Variants in INTS1 observed in about 807,000 individuals in gnomAD.
INTS1 encodes the protein integrator complex subunit 1.
A neutral mutation model predicts 241.6 loss-of-function variants in INTS1; 137 were observed. The ratio of observed to expected loss-of-function variants is 0.57; its 90% CI spans 0.49 to 0.65. The LOEUF (loss-of-function observed/expected upper bound fraction) is 0.65. INTS1 is among the 30% of genes least tolerant of loss of function. The pLI, the probability that INTS1 is intolerant of heterozygous loss-of-function variation, is 0.00. For missense variants in INTS1, 3,073 were observed against 3,032.2 expected (o/e 1.01, Z -0.32); for synonymous variants, 1,692 against 1,337.8 (o/e 1.26, Z -5.78).
chr7:1,499,221 G>A lies in INTS1; in HGVS notation c.950+34C>T, dbSNP rs539194356. The A allele has an allele frequency of 3.0e-5, 48 of 1,605,200 alleles. 2 individuals are homozygous for A. In the South Asian group the frequency reaches 3.4e-4, roughly 11 times the overall value. On this transcript the variant is annotated intron_variant, in intron 7 of 47. Coordinates refer to ENST00000404767, the MANE Select transcript of INTS1 (RefSeq NM_001080453.3). ...TGGCCCCGAGGCGCCCGCCCCCGCC[G>A]CCCCCAACTGGGACCGGGCAGGCAC...
At position 1,476,938 on chromosome 7, in the gene INTS1, C is replaced by G; in HGVS notation, c.4939-20G>C. Reference sequence around the variant, plus strand: ...TTTGCCCTGGGGAGGGAGGAAGAAGCCCGGATGGCCTCACCTGGGCCAATG... The same window carrying G: ...TTTGCCCTGGGGAGGGAGGAAGAAGGCCGGATGGCCTCACCTGGGCCAATG... On this transcript the variant is annotated intron_variant, in intron 35 of 47. Coordinates refer to ENST00000404767, the MANE Select transcript of INTS1 (RefSeq NM_001080453.3). The G allele has an allele frequency of 6.2e-7, 1 of 1,602,076 alleles. No individual in the cohort carries two copies. The highest frequency in any genetic ancestry group is 8.5e-7 in the Non-Finnish European group (1 of 1,176,782).
chr7:1,495,617 CT>C, intron 12 of INTS1, 64 bp from the exon 13 acceptor site: 1 of 1,554,504 alleles, frequency 6.4e-7, no homozygotes, highest in Non-Finnish European at 8.7e-7. Context: ...TAAGGCACCC[CT>C]GGGGGTCCAA....
intron 26 of INTS1, chr7:1,482,998 T>C (rs903918255): frequency 2.3e-5 from 9 of 397,832 alleles, no homozygotes; most frequent in Non-Finnish European, 4.1e-5. Context: ...GGGGCTTTGC[T>C]TGGCTGGACC....
Position 1,470,931 on chromosome 7 carries a change from C to T in INTS1, c.6372G>A (p.Thr2124=), listed in dbSNP as rs753542479. ...CCTGGCTGCCCAGGCAGTACATGAA[C>T]GTGGGCAGGAAAGCGGCTGCAATGC... is the stretch of plus-strand genomic sequence containing the variant. ...SPSIAAAFLP[T]FMYCLGSQDF... is the part of the protein sequence containing the mutation. Residue 2124 remains threonine, a synonymous_variant, in exon 47 of 48, where the codon ACG becomes ACA. Coordinates refer to ENST00000404767, the MANE Select transcript of INTS1 (RefSeq NM_001080453.3). The T allele has an allele frequency of 1.9e-5, 30 of 1,576,930 alleles. No individual in the cohort carries two copies. The highest frequency in any genetic ancestry group is 2.4e-5 in the Non-Finnish European group (28 of 1,162,418).
At chr7:1,487,293 T>C in intron 20 of INTS1, 27 bp downstream of exon 20, 1 of 1,568,554 alleles carries the variant, frequency 6.4e-7, no homozygotes, top group Non-Finnish European at 8.6e-7. Flanking sequence ...GACCACCATC[T>C]CTACCTCCTG....
In INTS1 at chr7:1,476,568, G is replaced by C; in HGVS notation, c.5151+2C>G. 1 of 1,437,400 alleles carries C rather than the reference G, an allele frequency of 7.0e-7. No individual in the cohort carries two copies. Among genetic ancestry groups the C allele is most frequent in the Non-Finnish European group, 9.2e-7 (1 of 1,084,820 alleles). 89.0% of individuals were successfully genotyped at this position (1,437,400 alleles called of 1,614,324 possible). A position where few individuals can be genotyped will look rare whatever the true frequency, so the allele number is the denominator to read the frequency against. ...CGGATGGGCCACCCTCCCAAGACCT[G>C]CCTGCGGGGTGCGCTGGTCCCGCCC... On this transcript the variant is annotated splice_donor_variant, in intron 37 of 47. Coordinates refer to ENST00000404767, the MANE Select transcript of INTS1 (RefSeq NM_001080453.3). LOFTEE classifies it high-confidence loss of function.
rs1242408353 is a variant in INTS1 at position 1,493,260 on chromosome 7, T to G, written c.2069-154A>C. 6.6e-6 allele frequency among the ~76,000 whole-genome samples: 1 copy of G among 151,002 alleles called. No individual in the cohort carries two copies. Among genetic ancestry groups the G allele is most frequent in the African/African-American group, 2.4e-5 (1 of 40,998 alleles). The stretch of plus-strand genomic sequence containing the variant: ...CTGAGCAGGAGAGCTGGGGGAAGCT[T>G]GGCTTCTCACTGGGAAACAGGGCAC... On this transcript the variant is annotated intron_variant, in intron 15 of 47. Transcript: ENST00000404767. This position sits in a 1 kb window ranked among gnomAD's most constrained non-coding sequence, Gnocchi z 5.3.
rs1471778245 is a variant in INTS1, at chr7:1,497,222, G to C, written c.1518C>G (p.Thr506=). 3 of 1,613,200 alleles carry C rather than the reference G, an allele frequency of 1.9e-6. No homozygotes were observed. Among genetic ancestry groups the C allele is most frequent in the Non-Finnish European group, 2.5e-6 (3 of 1,179,772 alleles). Residue 506 remains threonine (T), a synonymous_variant, in exon 11 of 48, where the codon ACC becomes ACG. Coordinates refer to ENST00000404767, the MANE Select transcript of INTS1 (RefSeq NM_001080453.3). This position sits in a 1 kb window ranked among gnomAD's most constrained non-coding sequence, Gnocchi z 5.3. ...RALLREIIKQ[T]KHEINFQAFC... The stretch of plus-strand genomic sequence containing the variant: ...AGGCCTGGAAGTTGATCTCGTGCTT[G>C]GTCTGCTTGATGATCTCCCGCAGCA...
intron 16 of INTS1, among the ~76,000 whole-genome samples, 165 bp downstream of exon 16, chr7:1,492,844 TG>T (rs1782633986): frequency 1.0e-5 from 1 of 96,344 alleles, no homozygotes; most frequent in African/African-American, 3.9e-5. Context: ...CGGGCGGGAG[TG>T]GGGAGTGGGG....
rs778652940 is a variant in INTS1 at position 1,499,935 on chromosome 7, G to A, written c.633C>T (p.Leu211=). 1.2e-5 allele frequency: 19 copies of A among 1,613,758 alleles called. No individual in the cohort carries two copies. In the South Asian group the frequency reaches 2.0e-4, roughly 17 times the overall value. The change falls in exon 5 of 48, where the codon CTC becomes CTT. Residue 211 remains leucine, a synonymous_variant. Transcript: ENST00000404767. The part of the protein sequence containing the change: ...NSLVSVLACN[L]LMAAYEEDEN... ...CGTCCTCCTCGTAGGCGGCCATGAG[G>A]AGGTTACAGGCCAGCACAGACACCA...
Position 1,479,580 on chromosome 7 carries a change from C to A in INTS1, c.4179G>T (p.Gln1393His). The change falls in exon 31 of 48, where the codon CAG becomes CAT. Residue 1393 changes from glutamine to histidine, a missense_variant. Physicochemically the swap from Gln to His is conservative, Grantham distance 24. Transcript: ENST00000404767. The stretch of plus-strand genomic sequence containing the variant: ...TGATGCCCGGCACCTCGGGGCTGCC[C>A]TGGACGACGCGGGCCAGCTCCTGGC... ...ALGQELARVV[Q>H]GSPEVPGITV... 1.3e-6 allele frequency: 2 copies of A among 1,543,818 alleles called. No homozygotes were observed. Among genetic ancestry groups the A allele is most frequent in the African/African-American group, 1.4e-5 (1 of 73,086 alleles).
intron 16 of INTS1, among the ~76,000 whole-genome samples, chr7:1,492,147 C>G (rs897740913): frequency 6.6e-6 from 1 of 152,120 alleles, no homozygotes; most frequent in African/African-American, 2.4e-5. Context: ...TCAAGAGAAC[C>G]GAAGACACGG....
chr7:1,500,673 T>C (rs893390784), intron 3 of INTS1, among the ~76,000 whole-genome samples: 2 of 152,196 alleles, frequency 1.3e-5, no homozygotes, highest in African/African-American at 4.8e-5. Context: ...ACCTGCAGCT[T>C]TACTTTCCAC....
intron 26 of INTS1, chr7:1,482,974 C>T (rs976370663): frequency 1.5e-5 from 7 of 456,116 alleles, no homozygotes; most frequent in African/African-American, 2.0e-5. Flanking sequence ...TGTCCCCATC[C>T]AGCCCCTGCC....
intron 22 of INTS1, 129 bp downstream of exon 22, chr7:1,486,496 C>T (rs1782272180): frequency 9.7e-7 from 1 of 1,026,478 alleles, no homozygotes; most frequent in Non-Finnish European, 1.4e-6. Flanking sequence ...AACTCCTGAC[C>T]TCAGGTAATC....
chr7:1,486,954 C>T lies in INTS1; in HGVS notation c.2794G>A (p.Glu932Lys), dbSNP rs764178896. ...TTCTTGGCCTTCTGCTCCTTGCTCT[C>T]GCCCTCGTCGTCCTCCTCCCCGGAA... Reference protein sequence around the residue: ...AASGEEDDEGESKEQKAKKRQ... With the variant: ...AASGEEDDEGKSKEQKAKKRQ... The change falls in exon 21 of 48, where the codon GAG becomes AAG. Residue 932 changes from glutamate (E) to lysine (K), a missense_variant. Coordinates refer to ENST00000404767, the MANE Select transcript of INTS1 (RefSeq NM_001080453.3). 5.0e-6 allele frequency: 8 copies of T among 1,607,242 alleles called. No individual in the cohort carries two copies. The highest frequency in any genetic ancestry group is 1.3e-5 in the African/African-American group (1 of 75,014).
In INTS1 at chr7:1,476,327, G is replaced by A. The variant is rs756160640; in HGVS notation, c.5280C>T (p.Ala1760=). The A allele has an allele frequency of 2.5e-6, 4 of 1,586,774 alleles. No individual in the cohort carries two copies. The Admixed American group carries it at 7.1e-5, about 28-fold the overall frequency. The change falls in exon 38 of 48, where the codon GCC becomes GCT. Residue 1760 remains alanine (A), a synonymous_variant. Transcript: ENST00000404767. ...GDTAACSLIQ[A]RLPLLLSCCC... ...AGCAGCTGAGCAGCAGGGGCAGCCGGGCCTGGATGAGGCTGCAGGCGGCTG... is the reference window on the plus strand; with the variant it reads ...AGCAGCTGAGCAGCAGGGGCAGCCGAGCCTGGATGAGGCTGCAGGCGGCTG...
rs1288151848 is a variant in INTS1, at chr7:1,503,239, A to G, written c.59-48T>C. On this transcript the variant is annotated intron_variant, in intron 2 of 47. Transcript: ENST00000404767. ...ACCGGGCACATTTGCAACACCCAAG[A>G]TGGAAAAAGACTGACTCTAACCTCC... 27 of 1,500,852 alleles carry G rather than the reference A, an allele frequency of 1.8e-5. No individual in the cohort carries two copies. In the East Asian group the frequency reaches 6.1e-4, roughly 34 times the overall value. 93.0% of individuals were successfully genotyped at this position (1,500,852 alleles called of 1,614,324 possible). A position where few individuals can be genotyped will look rare whatever the true frequency, so the allele number is the denominator to read the frequency against.
intron 16 of INTS1, 124 bp downstream of exon 16, chr7:1,492,879 CGGGAGTG>C: frequency 5.1e-6 from 2 of 393,144 alleles, no homozygotes; most frequent in Non-Finnish European, 4.3e-6. Flanking sequence ...CTTACCCGGG[CGGGAGTG>C]GGGAGCGGGG....
Sources: gnomAD v4.1 joint callset for allele counts (sites outside exome capture counted in the v4.1 genomes callset) on GRCh38, gnomAD v4.1.1 for gene constraint, Gnocchi (gnomAD v3.1) non-coding constraint, MANE v1.5 for transcripts, NCBI Gene and HGNC (gene_info 2026-07-23, HGNC 2026-07-21) for gene names.